AGBL5: variants seen among roughly 807,000 people sequenced by gnomAD.
The protein encoded by AGBL5 is AGBL carboxypeptidase 5.
AGBL5 carries 51 observed loss-of-function variants against 88.0 expected under a neutral mutation model. The ratio of observed to expected loss-of-function variants is 0.58; its 90% CI spans 0.46 to 0.73. The LOEUF (loss-of-function observed/expected upper bound fraction) is 0.73, where lower values mean the gene tolerates loss of function less well. AGBL5 is among the 30% of genes least tolerant of loss of function. The pLI is 0.00. For missense variants in AGBL5, 1,031 were observed against 1,162.2 expected, an observed-to-expected ratio of 0.89 and a Z score of 1.64; for synonymous variants, 446 against 438.8, an observed-to-expected ratio of 1.02 and a Z score of -0.21.
rs912547580 is a variant in AGBL5, at chr2:27,055,914, G to A, written c.1141G>A (p.Ala381Thr). 55 of 1,614,104 alleles carry A rather than the reference G, an allele frequency of 3.4e-5. No individual in the cohort carries two copies. The highest frequency in any genetic ancestry group is 4.7e-5 in the Non-Finnish European group (55 of 1,180,036). ...AAATGAAGCTCAGTGTGGGCACTCA[G>A]CTGACAGGCATAACGCTGAAGCCTG... ...LQNEAQCGHS[A>T]DRHNAEAWKQ... Residue 381 changes from alanine (A) to threonine (T), a missense_variant, in exon 7 of 15, where the codon GCT becomes ACT. Ala to Thr is a moderately conservative substitution (Grantham distance 58). Around this residue, in one of 2 missense-constraint regions of AGBL5, gnomAD observed 540 missense variants for 678.2 expected, o/e 0.80. Coordinates refer to ENST00000360131, the MANE Select transcript of AGBL5 (RefSeq NM_021831.6).
chr2:27,053,956 A>G lies in AGBL5; in HGVS notation c.448A>G (p.Thr150Ala). Reference sequence around the variant, plus strand: ...TCGTTTCGTGGAGGGCCGTGGGGCCACCACCTTCTTCGCCTTCTGCTACCC... The same window carrying G: ...TCGTTTCGTGGAGGGCCGTGGGGCCGCCACCTTCTTCGCCTTCTGCTACCC... ...VHRFVEGRGATTFFAFCYPFS... is the reference protein window; with the variant it reads ...VHRFVEGRGAATFFAFCYPFS... Residue 150 changes from threonine (T) to alanine (A), a missense_variant, in exon 4 of 15, where the codon ACC becomes GCC. Thr to Ala is a moderately conservative substitution (Grantham distance 58, BLOSUM62 0). This residue lies in a region of AGBL5 where 540 missense variants were observed against 678.2 expected (regional missense o/e 0.80). Transcript: ENST00000360131. This position sits in a 1 kb window ranked among gnomAD's most constrained non-coding sequence, Gnocchi z 4.9. The G allele has an allele frequency of 6.2e-7, 1 of 1,614,130 alleles. No individual in the cohort carries two copies. Among genetic ancestry groups the G allele is most frequent in the Non-Finnish European group, 8.5e-7 (1 of 1,180,008 alleles).
At chr2:27,054,250 C>T (rs1260939211) in intron 4 of AGBL5, 191 bp downstream of exon 4, 6 of 641,028 alleles carry the variant, frequency 9.4e-6, no homozygotes, top group Non-Finnish European at 1.5e-5. Context: ...CATATCGACA[C>T]CTGCCCTCCA....
Position 27,056,642 on chromosome 2 carries a change from C to T in AGBL5, c.1385C>T (p.Pro462Leu), listed in dbSNP as rs1668445519. Reference protein sequence around the residue: ...ESTQVENMLYPKLISLNSAHF... With the variant: ...ESTQVENMLYLKLISLNSAHF... ...AAACAGGTGGAAAACATGCTATATC[C>T]AAAGCTCATCTCCTTGAATTCAGCC... Residue 462 changes from proline to leucine, a missense_variant, in exon 8 of 15, where the codon CCA becomes CTA. Physicochemically the swap from Pro to Leu is moderately conservative, Grantham distance 98 (BLOSUM62 -3). Transcript: ENST00000360131. The T allele has an allele frequency of 6.2e-7, 1 of 1,609,546 alleles. No individual in the cohort carries two copies. Among genetic ancestry groups the T allele is most frequent in the East Asian group, 2.2e-5 (1 of 44,772 alleles).
chr2:27,056,160 T>C (rs752564075), intron 7 of AGBL5, 22 bp downstream of exon 7: 102 of 1,600,408 alleles, frequency 6.4e-5, no homozygotes, highest in Non-Finnish European at 8.4e-5. Context: ...AAGAATGTCA[T>C]GTGAGTGTGA....
rs1668291323 is a variant in AGBL5, at chr2:27,053,731, C to T, written c.387+158C>T. The T allele has an allele frequency of 2.2e-6, 3 of 1,358,482 alleles. No homozygotes were observed. The highest frequency in any genetic ancestry group is 2.4e-5 in the East Asian group (1 of 41,560). The allele number at this position is 1,358,482 out of a possible 1,614,324, so 84.2% of individuals were successfully genotyped here. ...GTTAGCTAGAGTCCAAGATGAGCCC[C>T]TGCCTCAGGAAGCCTAGAAGGAGCC... On this transcript the variant is annotated intron_variant, in intron 3 of 14. Transcript: ENST00000360131. This position sits in a 1 kb window ranked among gnomAD's most constrained non-coding sequence, Gnocchi z 4.9.
chr2:27,054,985 A>G lies in AGBL5; in HGVS notation c.730-90A>G, dbSNP rs548328582. 18 of 1,511,090 alleles carry G rather than the reference A, an allele frequency of 1.2e-5. No homozygotes were observed. In the South Asian group the frequency reaches 1.8e-4, roughly 15 times the overall value. The allele number at this position is 1,511,090 out of a possible 1,614,324, so 93.6% of individuals were successfully genotyped here. On this transcript the variant is annotated intron_variant, in intron 5 of 14. Coordinates refer to ENST00000360131, the MANE Select transcript of AGBL5 (RefSeq NM_021831.6). ...TCAGCCAGCTGGAAATCCAGCGGCT[A>G]TTCCTGCCTCATCCATGACACCCCC...
At chr2:27,065,465 T>C (rs985026654) in intron 11 of AGBL5, among the ~76,000 whole-genome samples, 8 of 152,198 alleles carry the variant, frequency 5.3e-5, no homozygotes, top group African/African-American at 1.4e-4. Context: ...GTGTCTGCTG[T>C]TCAAGTAAAC....
rs369068296 is a variant in AGBL5 at position 27,055,253 on chromosome 2, G to A, written c.908G>A (p.Arg303His). ...GATGGTGTGGTCCGGGGACACTACCGGTAAGTGGCTTCCCCAGCCTGTCTG... is the reference window on the plus strand; with the variant it reads ...GATGGTGTGGTCCGGGGACACTACCAGTAAGTGGCTTCCCCAGCCTGTCTG... Reference protein sequence around the residue: ...NPDGVVRGHYRTDSRGVNLNR... With the variant: ...NPDGVVRGHYHTDSRGVNLNR... The change falls in exon 6 of 15, where the codon CGC becomes CAC. Residue 303 changes from arginine (R) to histidine (H), a missense_variant and splice_region_variant. Around this residue, in one of 2 missense-constraint regions of AGBL5, gnomAD observed 540 missense variants for 678.2 expected, o/e 0.80. Coordinates refer to ENST00000360131, the MANE Select transcript of AGBL5 (RefSeq NM_021831.6). 37 of 1,613,682 alleles carry A rather than the reference G, an allele frequency of 2.3e-5. No individual in the cohort carries two copies. The highest frequency in any genetic ancestry group is 1.6e-4 in the Middle Eastern group (1 of 6,072).
chr2:27,054,493 T>G lies in AGBL5; in HGVS notation c.552-137T>G. The G allele has an allele frequency of 7.7e-6, 6 of 781,642 alleles. No homozygotes were observed. The South Asian group carries it at 1.1e-4, about 14-fold the overall frequency. The allele number at this position is 781,642 out of a possible 1,614,324, so 48.4% of individuals were successfully genotyped here. On this transcript the variant is annotated intron_variant, in intron 4 of 14. Transcript: ENST00000360131. ...AACCCACTCAAATCCTTAGCCTCAT[T>G]TAACATTGTGAGGGACTATAAGGCC...
intron 10 of AGBL5, 71 bp from the exon 11 acceptor site, chr2:27,059,119 A>G: frequency 6.9e-7 from 1 of 1,447,110 alleles, no homozygotes; most frequent in Non-Finnish European, 9.5e-7. Context: ...TTTACTGAGC[A>G]GCAGATCCTA....
Position 27,053,024 on chromosome 2 carries a change from G to A in AGBL5, c.66G>A (p.Val22=). The A allele has an allele frequency of 6.2e-7, 1 of 1,613,794 alleles. No individual in the cohort carries two copies. The highest frequency in any genetic ancestry group is 8.5e-7 in the Non-Finnish European group (1 of 1,179,864). ...SRFDSGNLAH[V]EKVESLSSDG... ...TTGATTCAGGGAATCTAGCCCACGTGGAGAAGGTGGAATCTTTGTCCAGTG... is the reference window on the plus strand; with the variant it reads ...TTGATTCAGGGAATCTAGCCCACGTAGAGAAGGTGGAATCTTTGTCCAGTG... Residue 22 remains valine (V), a synonymous_variant, in exon 2 of 15, where the codon GTG becomes GTA. Coordinates refer to ENST00000360131, the MANE Select transcript of AGBL5 (RefSeq NM_021831.6). This position sits in a 1 kb window ranked among gnomAD's most constrained non-coding sequence, Gnocchi z 4.9.
In AGBL5 at chr2:27,053,219, CT is replaced by C. The variant is rs2148268204; in HGVS notation, c.215+48del. On this transcript the variant is annotated intron_variant, in intron 2 of 14. Transcript: ENST00000360131. This position sits in a 1 kb window ranked among gnomAD's most constrained non-coding sequence, Gnocchi z 4.9. ...GGTGGAAAAAGGCTCCAAACCCATG[CT>C]TCAGTTAGCCCTCTGACTTATCTGT... 1 of 1,542,780 alleles carries C rather than the reference CT, an allele frequency of 6.5e-7. No individual in the cohort carries two copies. The highest frequency in any genetic ancestry group is 2.3e-5 in the East Asian group (1 of 44,140).
intron 11 of AGBL5, 184 bp downstream of exon 11, chr2:27,059,588 G>A: frequency 7.1e-7 from 1 of 1,398,994 alleles, no homozygotes; most frequent in Non-Finnish European, 9.5e-7. Flanking sequence ...TTCCAGAGCG[G>A]TATTGTGTGT....
chr2:27,054,859 T>C (rs757359508), intron 5 of AGBL5, 52 bp downstream of exon 5: 2 of 1,581,954 alleles, frequency 1.3e-6, no homozygotes, highest in South Asian at 2.3e-5. Flanking sequence ...TAGCACCAGG[T>C]ACTGTTTATA....
chr2:27,058,328 TGTGTACCCAC>T, intron 9 of AGBL5, 62 bp from the exon 10 acceptor site: 1 of 1,562,534 alleles, frequency 6.4e-7, no homozygotes, highest in East Asian at 2.2e-5. Context: ...TCCACTGTGC[TGTGTACCCAC>T]CCCAAGGTAG....
Position 27,057,439 on chromosome 2 carries a change from G to T in AGBL5, c.1671+1G>T. 6.2e-7 allele frequency: 1 copy of T among 1,604,040 alleles called. No homozygotes were observed. Among genetic ancestry groups the T allele is most frequent in the Non-Finnish European group, 8.5e-7 (1 of 1,173,758 alleles). On this transcript the variant is annotated splice_donor_variant, in intron 9 of 14. Transcript: ENST00000360131. LOFTEE classifies it high-confidence loss of function. ...ATACACTGTGGAACTATTTGAGCAG[G>T]TATGAATACATGGTGTAAGTGGGAA...
At chr2:27,057,757 G>A (rs1668512392) in intron 9 of AGBL5, among the ~76,000 whole-genome samples, 1 of 152,136 alleles carries the variant, frequency 6.6e-6, no homozygotes, top group Non-Finnish European at 1.5e-5. Context: ...TGACTGTAGT[G>A]GTCTTGATGA....
Position 27,070,275 on chromosome 2 carries a change from T to C in AGBL5, c.*12T>C. 1.2e-6 allele frequency: 2 copies of C among 1,613,690 alleles called. No individual in the cohort carries two copies. The highest frequency in any genetic ancestry group is 2.7e-5 in the African/African-American group (2 of 75,064). On this transcript the variant is annotated 3_prime_UTR_variant, in exon 15 of 15. Coordinates refer to ENST00000360131, the MANE Select transcript of AGBL5 (RefSeq NM_021831.6). ...CTCCCCGGGTCTGATAATGCCTTTA[T>C]GTTCAAGCCCAGGATATAGCCCCAA...
At chr2:27,054,835 C>A (rs751298628) in intron 5 of AGBL5, 28 bp downstream of exon 5, 5 of 1,599,900 alleles carry the variant, frequency 3.1e-6, no homozygotes, top group Admixed American at 3.4e-5. Context: ...AAAGGTAGTT[C>A]TTTGGCTTTT....
Sources: allele counts gnomAD v4.1 joint callset (sites outside exome capture counted in the v4.1 genomes callset), GRCh38; gene constraint gnomAD v4.1.1; regional missense constraint gnomAD v4.1.1; non-coding constraint Gnocchi (gnomAD v3.1); transcripts MANE v1.5; gene names NCBI Gene and HGNC (gene_info 2026-07-23, HGNC 2026-07-21).